Variants in GLE1 observed in about 807,000 individuals in gnomAD.
GLE1 encodes mRNA export factor GLE1.
GLE1 carries 78 observed loss-of-function variants against 97.3 expected under a neutral mutation model. That is an observed-to-expected ratio of 0.80 (90% CI 0.67 to 0.97). The LOEUF (loss-of-function observed/expected upper bound fraction) is 0.97. GLE1 is among the 50% of genes least tolerant of loss of function. The pLI is 0.00. For missense variants in GLE1, 753 were observed against 857.5 expected, an observed-to-expected ratio of 0.88 and a Z score of 1.52; for synonymous variants, 302 against 313.4, an observed-to-expected ratio of 0.96 and a Z score of 0.39.
chr9:128,515,754 A>G, intron 3 of GLE1, 115 bp downstream of exon 3: 1 of 709,586 alleles, frequency 1.4e-6, no homozygotes, highest in East Asian at 2.7e-5. Flanking sequence ...CCTACTGTTT[A>G]GTTTTGGGGG....
At chr9:128,511,276 A>C (rs1284139127) in intron 2 of GLE1, among the ~76,000 whole-genome samples, 1 of 148,314 alleles carries the variant, frequency 6.7e-6, no homozygotes, top group Non-Finnish European at 1.5e-5. Context: ...ATAAATATAC[A>C]TAAATATATA....
chr9:128,533,222 G>A (rs867441517), intron 9 of GLE1, among the ~76,000 whole-genome samples: 47 of 151,120 alleles, frequency 3.1e-4, no homozygotes, highest in African/African-American at 1.1e-3. Context: ...TCAGCAGTTA[G>A]AGACCAGCCT....
At chr9:128,531,981 T>C (rs146023974) in intron 9 of GLE1, among the ~76,000 whole-genome samples, 9 of 151,224 alleles carry the variant, frequency 6.0e-5, no homozygotes, top group African/African-American at 2.2e-4. Context: ...TAGAGAGGTA[T>C]GGAGAGAGGC....
intron 3 of GLE1, among the ~76,000 whole-genome samples, chr9:128,518,479 C>T (rs1366374846): frequency 6.6e-6 from 1 of 151,784 alleles, no homozygotes; most frequent in African/African-American, 2.4e-5. Context: ...GACAATCACT[C>T]GAACCTGGGA....
intron 9 of GLE1, among the ~76,000 whole-genome samples, chr9:128,528,306 CTT>C (rs1405724848): frequency 2.0e-4 from 26 of 130,504 alleles, no homozygotes; most frequent in Admixed American, 3.9e-4. Context: ...GCCCAGCCCC[CTT>C]TTTTTTTTTT....
chr9:128,525,144 A>G (rs1847264539), intron 6 of GLE1, 48 bp from the exon 7 acceptor site: 2 of 1,373,940 alleles, frequency 1.5e-6, no homozygotes, highest in African/African-American at 1.4e-5. Flanking sequence ...ATGAGGTATG[A>G]TTTACCTAGG....
upstream of GLE1, chr9:128,504,698 C>A (rs545478697): frequency 4.3e-4 from 350 of 812,488 alleles, 1 homozygote; most frequent in Middle Eastern, 0.014. Flanking sequence ...CGGGGCTGTG[C>A]TGCGCGCGCG....
chr9:128,523,983 T>G (rs1847228547), intron 6 of GLE1, 137 bp downstream of exon 6: 1 of 784,024 alleles, frequency 1.3e-6, no homozygotes, highest in African/African-American at 1.7e-5. Context: ...GTTATCTCCA[T>G]ATCTCTTTAC....
At chr9:128,506,316 G>A (rs1846639692) in intron 1 of GLE1, among the ~76,000 whole-genome samples, 1 of 152,056 alleles carries the variant, frequency 6.6e-6, no homozygotes, top group Non-Finnish European at 1.5e-5. Context: ...CTGCACTCAA[G>A]CCTGGGTGAC....
chr9:128,537,880 G>A lies in GLE1; in HGVS notation c.1777-106G>A, dbSNP rs1847766811. 4.1e-6 allele frequency: 3 copies of A among 728,994 alleles called. No individual in the cohort carries two copies. The African/African-American group carries it at 5.2e-5, about 13-fold the overall frequency. The allele number at this position is 728,994 out of a possible 1,614,324, so 45.2% of individuals were successfully genotyped here. ...TGCCCTGTGGCAGGTGCTAGGGCTG[G>A]ATGATCTGGGGTTCATTTCCACTTG... On this transcript the variant is annotated intron_variant, in intron 12 of 15. Transcript: ENST00000309971.
At chr9:128,509,179 T>A in intron 2 of GLE1, 82 bp downstream of exon 2, 3 of 829,638 alleles carry the variant, frequency 3.6e-6, no homozygotes, top group Non-Finnish European at 2.1e-6. Context: ...ACAGTGACCA[T>A]ACCCTAGGGG....
At chr9:128,527,139 A>C in intron 7 of GLE1, 40 bp from the exon 8 acceptor site, 1 of 1,057,824 alleles carries the variant, frequency 9.5e-7, no homozygotes, top group Non-Finnish European at 1.5e-6. Context: ...CATGTTCAGT[A>C]AATACTAGCT....
At position 128,531,400 on chromosome 9, in the gene GLE1, G is replaced by A. The variant is rs560788845; in HGVS notation, c.1313-2113G>A. Among the ~76,000 whole-genome samples, 18 of 150,760 alleles carry A rather than the reference G, an allele frequency of 1.2e-4. No individual in the cohort carries two copies. The East Asian group carries it at 1.4e-3, about 12-fold the overall frequency. On this transcript the variant is annotated intron_variant, in intron 9 of 15. Coordinates refer to ENST00000309971, the MANE Select transcript of GLE1 (RefSeq NM_001003722.2). ...ATATTAGCCAGATGTGGTGGCAGGCGCCTGTAATCCCAGCTACTCGGGAGG... is the reference window on the plus strand; with the variant it reads ...ATATTAGCCAGATGTGGTGGCAGGCACCTGTAATCCCAGCTACTCGGGAGG...
chr9:128,525,514 A>C, intron 7 of GLE1, 91 bp downstream of exon 7: 2 of 877,782 alleles, frequency 2.3e-6, no homozygotes, highest in Non-Finnish European at 3.7e-6. Context: ...GTTAAACTGT[A>C]GGACAGTTAA....
intron 1 of GLE1, among the ~76,000 whole-genome samples, chr9:128,507,288 G>C (rs1216337865): frequency 6.6e-6 from 1 of 152,096 alleles, no homozygotes; most frequent in East Asian, 1.9e-4. Context: ...CTTGAGGCCA[G>C]TTCAAGCTGG....
intron 1 of GLE1, among the ~76,000 whole-genome samples, chr9:128,508,376 G>A (rs891556981): frequency 1.3e-5 from 2 of 152,138 alleles, no homozygotes; most frequent in Non-Finnish European, 2.9e-5. Flanking sequence ...CTGCACTCCA[G>A]CCTGGGTAAC....
In GLE1 at chr9:128,526,227, G is replaced by A. The variant is rs138686884; in HGVS notation, c.1129+804G>A. Among the ~76,000 whole-genome samples the A allele has an allele frequency of 2.7e-3, 402 of 151,696 alleles. 4 individuals are homozygous for A. The highest frequency in any genetic ancestry group is 9.3e-3 in the African/African-American group (386 of 41,368). ...AGTAAAGATGGGATTTCACCACGTTGGCCAGGCTGGTCTCAAACTCCTGAC... is the reference window on the plus strand; with the variant it reads ...AGTAAAGATGGGATTTCACCACGTTAGCCAGGCTGGTCTCAAACTCCTGAC... On this transcript the variant is annotated intron_variant, in intron 7 of 15. Transcript: ENST00000309971.
chr9:128,537,995 C>T lies in GLE1; in HGVS notation c.1786C>T (p.His596Tyr). 1 of 1,602,994 alleles carries T rather than the reference C, an allele frequency of 6.2e-7. No homozygotes were observed. The highest frequency in any genetic ancestry group is 8.5e-7 in the Non-Finnish European group (1 of 1,169,952). ...PYGNRQEIHP[H>Y]GLNHGWRWLA... is the part of the protein sequence containing the mutation. ...GCTTCTCTACTCCCAGATTCACCCTCATGGCTTAAATCATGGATGGCGCTG... is the reference window on the plus strand; with the variant it reads ...GCTTCTCTACTCCCAGATTCACCCTTATGGCTTAAATCATGGATGGCGCTG... Residue 596 changes from histidine to tyrosine, a missense_variant, in exon 13 of 16, where the codon CAT (histidine) becomes TAT (tyrosine). Transcript: ENST00000309971.
intron 1 of GLE1, among the ~76,000 whole-genome samples, chr9:128,505,852 A>T (rs1846626144): frequency 6.6e-6 from 1 of 152,128 alleles, no homozygotes. Flanking sequence ...GCATTCATTG[A>T]TGTTTTCCAC....
Sources: gnomAD v4.1 joint callset for allele counts (sites outside exome capture counted in the v4.1 genomes callset) on GRCh38, gnomAD v4.1.1 for gene constraint, MANE v1.5 for transcripts, NCBI Gene and HGNC (gene_info 2026-07-23, HGNC 2026-07-21) for gene names.